The following LRP5 variants were observed in gnomAD, a reference collection of about 807,000 sequenced individuals.
The protein encoded by LRP5 is LDL receptor related protein 5.
In LRP5, 62 loss-of-function variants were observed where a neutral mutation model predicts 154.1. The ratio of observed to expected loss-of-function variants is 0.40; its 90% CI spans 0.33 to 0.50. The LOEUF is 0.50. Ranked by LOEUF, LRP5 falls within the 20% of genes least tolerant of loss-of-function variation. The probability of loss-of-function intolerance (pLI) is 0.55; values close to 1 mark genes in which losing one functional copy is unlikely to be tolerated. For missense variants in LRP5, 1,915 were observed against 2,336.7 expected (o/e 0.82, Z 3.72); for synonymous variants, 966 against 1,011.5 (o/e 0.96, Z 0.85).
chr11:68,407,531 C>T (rs1424009531), intron 9 of LRP5, among the ~76,000 whole-genome samples: 2 of 151,186 alleles, frequency 1.3e-5, no homozygotes, highest in Non-Finnish European at 2.9e-5. Context: ...GGCTGGCCTT[C>T]TGATTCTGTA....
chr11:68,360,505 C>T (rs1298041827), intron 3 of LRP5, among the ~76,000 whole-genome samples: 4 of 152,252 alleles, frequency 2.6e-5, no homozygotes, highest in Non-Finnish European at 5.9e-5. Flanking sequence ...CTTCATGATG[C>T]ACCTGGGGCT....
At chr11:68,300,554 C>T in the LRP5 span, among the ~76,000 whole-genome samples, 1 of 149,678 alleles carries the variant, frequency 6.7e-6, no homozygotes, top group African/African-American at 2.4e-5. Flanking sequence ...CCATGTGGCC[C>T]AGGGGATATG....
At chr11:68,315,634 A>G (rs1185102118) in intron 1 of LRP5, among the ~76,000 whole-genome samples, 3 of 152,234 alleles carry the variant, frequency 2.0e-5, no homozygotes, top group South Asian at 2.1e-4. Flanking sequence ...GGTGTCTGCT[A>G]CCGAGTGAAG....
chr11:68,386,576 G>A lies in LRP5; in HGVS notation c.1276G>A (p.Val426Met), dbSNP rs2098643189. Residue 426 changes from valine (V) to methionine (M), a missense_variant, in exon 6 of 23, where the codon GTG (valine) becomes ATG (methionine). By Grantham distance (21) the Val-to-Met change is conservative (BLOSUM62 1). Coordinates refer to ENST00000294304, the MANE Select transcript of LRP5 (RefSeq NM_002335.4). The surrounding 1 kb of genome is among the most constrained non-coding windows in gnomAD (Gnocchi z 7.9). Reference sequence around the variant, plus strand: ...CCCCGATGGCATCGCGGTCGACTGGGTGGCCCGAAACCTCTACTGGACCGA... The same window carrying A: ...CCCCGATGGCATCGCGGTCGACTGGATGGCCCGAAACCTCTACTGGACCGA... ...NDPDGIAVDW[V>M]ARNLYWTDTG... The A allele has an allele frequency of 6.2e-7, 1 of 1,613,868 alleles. No homozygotes were observed.
At chr11:68,358,651 T>TCACCAGGG (rs2098625227) in intron 3 of LRP5, among the ~76,000 whole-genome samples, 1 of 152,210 alleles carries the variant, frequency 6.6e-6, no homozygotes, top group African/African-American at 2.4e-5. Context: ...GCCTTCCACA[T>TCACCAGGG]GGTCAGTGCT....
chr11:68,317,055 G>A (rs1465318349), intron 1 of LRP5, among the ~76,000 whole-genome samples: 10 of 152,254 alleles, frequency 6.6e-5, no homozygotes, highest in Non-Finnish European at 1.3e-4. Context: ...CAGGGTGTGG[G>A]CTCTGTGCCA....
intron 20 of LRP5, 141 bp downstream of exon 20, chr11:68,438,823 T>C (rs1022859021): frequency 8.0e-6 from 6 of 751,306 alleles, no homozygotes; most frequent in African/African-American, 1.8e-5. Flanking sequence ...GCATTCAGCC[T>C]TTCCCACTGA....
intron 1 of LRP5, among the ~76,000 whole-genome samples, chr11:68,315,667 A>G (rs2098592776): frequency 6.6e-6 from 1 of 152,220 alleles, no homozygotes; most frequent in South Asian, 2.1e-4. Flanking sequence ...GTGCGATAGA[A>G]TGGCAGATAA....
rs557638635 is a variant in LRP5 at position 68,341,920 on chromosome 11, G to A, written c.92-5927G>A. ...ACGTGAATACGGAGCCATTCAGGCC[G>A]TGTCCTGGGTGTCTGGGTGGGCCAG... On this transcript the variant is annotated intron_variant, in intron 1 of 22. Coordinates refer to ENST00000294304, the MANE Select transcript of LRP5 (RefSeq NM_002335.4). 1.5e-4 allele frequency among the ~76,000 whole-genome samples: 23 copies of A among 152,254 alleles called. 1 individual carries two copies. The South Asian group carries it at 4.0e-3, about 26-fold the overall frequency.
At position 68,416,382 on chromosome 11, in the gene LRP5, C is replaced by T. The variant is rs189095829; in HGVS notation, c.2882C>T (p.Pro961Leu). 7 of 1,614,054 alleles carry T rather than the reference C, an allele frequency of 4.3e-6. No individual in the cohort carries two copies. The highest frequency in any genetic ancestry group is 3.3e-5 in the South Asian group (3 of 91,076). The change falls in exon 13 of 23, where the codon CCG becomes CTG. Residue 961 changes from proline to leucine, a missense_variant. Physicochemically the swap from Pro to Leu is moderately conservative, Grantham distance 98. Transcript: ENST00000294304. ...AAATCTGCCATCAGTCGGATGATCC[C>T]GGACGACCAGCACAGCCCGGATCTC... Reference protein sequence around the residue: ...SQKSAISRMIPDDQHSPDLIL... With the variant: ...SQKSAISRMILDDQHSPDLIL...
rs773175538 is a variant in LRP5 at position 68,365,716 on chromosome 11, ACGGGACGGGGCGGG to A, written c.1015+19_1015+32del. ...CGTGTAAGGCAGGTGAGGCGGTGGGACGGGACGGGGCGGGCGGGCGGGGCGGGGCCTGGCGGGAA... is the reference window on the plus strand; with the variant it reads ...CGTGTAAGGCAGGTGAGGCGGTGGGACGGGCGGGGCGGGGCCTGGCGGGAA... On this transcript the variant is annotated intron_variant, in intron 5 of 22. Transcript: ENST00000294304. 8.7e-6 allele frequency: 1 copy of A among 114,354 alleles called. No homozygotes were observed. The highest frequency in any genetic ancestry group is 1.9e-5 in the Non-Finnish European group (1 of 52,518). 7.1% of individuals were successfully genotyped at this position (114,354 alleles called of 1,614,324 possible). A position where few individuals can be genotyped will look rare whatever the true frequency, so the allele number is the denominator to read the frequency against.
chr11:68,398,838 G>A (rs1278676526), intron 7 of LRP5, among the ~76,000 whole-genome samples: 5 of 152,154 alleles, frequency 3.3e-5, no homozygotes, highest in South Asian at 2.1e-4. Flanking sequence ...AGGCTCAAGC[G>A]ATCCTCCTGT....
chr11:68,311,562 C>T (rs1235832031), upstream of LRP5, among the ~76,000 whole-genome samples: 1 of 152,320 alleles, frequency 6.6e-6, no homozygotes, highest in African/African-American at 2.4e-5. Flanking sequence ...AATTTTCCGT[C>T]TTCTTGTTTT....
Position 68,318,059 on chromosome 11 carries a change from A to AT in LRP5, c.91+5267dup, listed in dbSNP as rs575016540. On this transcript the variant is annotated intron_variant, in intron 1 of 22. Transcript: ENST00000294304. ...TTAATGTAATTTTTTTTGAGATTTA[A>AT]TTTTTTTTTTTTTGAGATGGAGTCT... is the stretch of plus-strand genomic sequence containing the variant. 4.5e-3 allele frequency among the ~76,000 whole-genome samples: 646 copies of AT among 144,866 alleles called. 5 individuals are homozygous for AT. The highest frequency in any genetic ancestry group is 0.017 in the South Asian group (79 of 4,584).
chr11:68,370,624 C>T (rs61179761), intron 5 of LRP5, among the ~76,000 whole-genome samples: 1 of 152,234 alleles, frequency 6.6e-6, no homozygotes, highest in Non-Finnish European at 1.5e-5. Context: ...CAGCTCCACG[C>T]TCCCTAGAGA....
At chr11:68,335,878 A>C (rs1000040667) in intron 1 of LRP5, among the ~76,000 whole-genome samples, 2 of 152,154 alleles carry the variant, frequency 1.3e-5, no homozygotes, top group African/African-American at 4.8e-5. Flanking sequence ...TCAGTTTGGA[A>C]CGTGTGATGG....
intron 13 of LRP5, among the ~76,000 whole-genome samples, chr11:68,420,471 G>A (rs997758773): frequency 2.1e-4 from 32 of 151,990 alleles, no homozygotes; most frequent in African/African-American, 7.0e-4. Flanking sequence ...TTGGGAGTCC[G>A]AGGTGGGCAG....
At chr11:68,439,946 C>A in intron 21 of LRP5, 30 bp downstream of exon 21, 5 of 448,384 alleles carry the variant, frequency 1.1e-5, no homozygotes, top group Non-Finnish European at 1.7e-5. Flanking sequence ...AGGGGCGGGG[C>A]GGGATGGGGC....
chr11:68,371,395 G>A (rs148776745), intron 5 of LRP5, among the ~76,000 whole-genome samples: 53 of 152,338 alleles, frequency 3.5e-4, no homozygotes, highest in African/African-American at 1.1e-3. Flanking sequence ...ACCTGTGAGC[G>A]GGGCCAGAAT....
Sources: gnomAD v4.1 joint callset for allele counts (sites outside exome capture counted in the v4.1 genomes callset) on GRCh38, gnomAD v4.1.1 for gene constraint, Gnocchi (gnomAD v3.1) non-coding constraint, MANE v1.5 for transcripts, NCBI Gene and HGNC (gene_info 2026-07-23, HGNC 2026-07-21) for gene names.